The following CLSTN2 variants were observed in gnomAD, a reference collection of about 807,000 sequenced individuals.
The protein encoded by CLSTN2 is calsyntenin 2, also known as calsyntenin-2.
In CLSTN2, 48 loss-of-function variants were observed where a neutral mutation model predicts 101.2. That is an observed-to-expected ratio of 0.47 (90% confidence interval 0.38 to 0.60). CLSTN2 has a LOEUF of 0.60. Among genes scored for constraint, CLSTN2 ranks in the 20% least tolerant of loss-of-function variants. The pLI is 0.00. For missense variants in CLSTN2, 1,160 were observed against 1,238.2 expected (o/e 0.94, Z 0.95); for synonymous variants, 481 against 463.6 (o/e 1.04, Z -0.48).
chr3:140,079,272 GA>G (rs1454352618), intron 1 of CLSTN2, among the ~76,000 whole-genome samples: 2 of 152,160 alleles, frequency 1.3e-5, no homozygotes, highest in African/African-American at 4.8e-5. Flanking sequence ...TGAAGGCCAA[GA>G]AAGAGTTGTA....
At position 140,176,014 on chromosome 3, in the gene CLSTN2, C is replaced by A. The variant is rs767751508; in HGVS notation, c.173C>A (p.Thr58Lys). 9.3e-6 allele frequency: 15 copies of A among 1,612,778 alleles called. No homozygotes were observed. Among genetic ancestry groups the A allele is most frequent in the Admixed American group, 1.7e-5 (1 of 59,986 alleles). Residue 58 changes from threonine (T) to lysine (K), a missense_variant, in exon 2 of 17, where the codon ACA becomes AAA. Transcript: ENST00000458420. ...GGAGTCATAACTGAGAACAATGACA[C>A]AGTCATTTTGGACCCACCACTGGTA... ...YHGVITENND[T>K]VILDPPLVAL...
At chr3:140,095,400 G>A (rs2008853554) in intron 1 of CLSTN2, among the ~76,000 whole-genome samples, 1 of 152,092 alleles carries the variant, frequency 6.6e-6, no homozygotes, top group Admixed American at 6.5e-5. Context: ...ATGCCCTCAG[G>A]CCAAATATCC....
chr3:139,993,050 T>C (rs1433902234), intron 1 of CLSTN2, among the ~76,000 whole-genome samples: 8 of 152,176 alleles, frequency 5.3e-5, no homozygotes, highest in Non-Finnish European at 8.8e-5. Flanking sequence ...AGAGGGCTGA[T>C]TGGTCAATGC....
At chr3:140,080,866 G>A (rs2008583627) in intron 1 of CLSTN2, among the ~76,000 whole-genome samples, 1 of 152,176 alleles carries the variant, frequency 6.6e-6, no homozygotes, top group Admixed American at 6.5e-5. Context: ...ACACGGATAA[G>A]TACAAGGCTA....
At chr3:140,287,426 A>G (rs1378329655) in intron 2 of CLSTN2, among the ~76,000 whole-genome samples, 2 of 152,158 alleles carry the variant, frequency 1.3e-5, no homozygotes, top group African/African-American at 4.8e-5. Flanking sequence ...TTTGGGGGAA[A>G]GAAGAATTCT....
chr3:140,557,404 T>C (rs1935820919), intron 11 of CLSTN2, among the ~76,000 whole-genome samples: 1 of 152,192 alleles, frequency 6.6e-6, no homozygotes. Flanking sequence ...TTACATTCAA[T>C]AGTTCTAGAA....
At chr3:140,219,877 C>A (rs1392668467) in intron 2 of CLSTN2, among the ~76,000 whole-genome samples, 2 of 152,178 alleles carry the variant, frequency 1.3e-5, no homozygotes, top group East Asian at 3.9e-4. Flanking sequence ...GTAAGAGAGG[C>A]CTTACTGAGT....
intron 1 of CLSTN2, among the ~76,000 whole-genome samples, chr3:139,982,865 C>A (rs1031381590): frequency 3.3e-5 from 5 of 151,904 alleles, no homozygotes; most frequent in Admixed American, 3.3e-4. Context: ...TTAGTTCAGA[C>A]TATATATAGA....
chr3:140,410,267 A>G (rs2088348403), intron 4 of CLSTN2, among the ~76,000 whole-genome samples: 3 of 152,106 alleles, frequency 2.0e-5, no homozygotes, highest in African/African-American at 7.2e-5. Context: ...TCAGTAAATC[A>G]AAGACACAGC....
intron 2 of CLSTN2, among the ~76,000 whole-genome samples, chr3:140,317,901 A>G (rs1007574297): frequency 3.9e-5 from 6 of 152,162 alleles, no homozygotes; most frequent in African/African-American, 7.2e-5. Context: ...TGCTCGCTAT[A>G]TGAAGGTCAG....
intron 10 of CLSTN2, among the ~76,000 whole-genome samples, chr3:140,553,937 G>C (rs1248698839): frequency 2.6e-5 from 4 of 152,180 alleles, no homozygotes; most frequent in African/African-American, 9.7e-5. Flanking sequence ...AGTCCTTTTG[G>C]GGAGTGACAG....
At chr3:140,540,624 C>A (rs1188716582) in intron 9 of CLSTN2, among the ~76,000 whole-genome samples, 1 of 152,090 alleles carries the variant, frequency 6.6e-6, no homozygotes, top group Non-Finnish European at 1.5e-5. Flanking sequence ...AGAGCAGCAT[C>A]CAACCCCAGC....
intron 2 of CLSTN2, among the ~76,000 whole-genome samples, chr3:140,226,491 C>A (rs1187393872): frequency 1.3e-5 from 2 of 151,998 alleles, no homozygotes; most frequent in African/African-American, 4.8e-5. Context: ...GGATCGACAG[C>A]TAGATAGATG....
intron 8 of CLSTN2, among the ~76,000 whole-genome samples, chr3:140,525,801 A>G (rs188440665): frequency 1.3e-5 from 2 of 152,330 alleles, no homozygotes; most frequent in Non-Finnish European, 2.9e-5. Context: ...GTGATTCACC[A>G]TGTGAACAGA....
At chr3:140,415,827 G>T (rs2088426398) in intron 4 of CLSTN2, among the ~76,000 whole-genome samples, 1 of 152,098 alleles carries the variant, frequency 6.6e-6, no homozygotes, top group South Asian at 2.1e-4. Flanking sequence ...ACTACCATAG[G>T]TTCAGCAATT....
intron 1 of CLSTN2, among the ~76,000 whole-genome samples, chr3:139,943,559 ATGGTGCCT>A (rs1407699881): frequency 6.6e-6 from 1 of 152,204 alleles, no homozygotes; most frequent in African/African-American, 2.4e-5. Flanking sequence ...TCCAAACAGC[ATGGTGCCT>A]TGAGATCCTG....
chr3:140,477,580 C>A (rs1353338966), intron 8 of CLSTN2, among the ~76,000 whole-genome samples: 1 of 152,166 alleles, frequency 6.6e-6, no homozygotes, highest in Non-Finnish European at 1.5e-5. Flanking sequence ...TACACAGTTA[C>A]TTTTGAGGTT....
intron 1 of CLSTN2, among the ~76,000 whole-genome samples, chr3:139,984,947 C>A (rs150698081): frequency 2.9e-3 from 436 of 152,284 alleles, no homozygotes; most frequent in African/African-American, 0.01. Flanking sequence ...GCTGCTCCAG[C>A]CAAAAATGTT....
At chr3:139,944,575 C>T (rs1935186675) in intron 1 of CLSTN2, among the ~76,000 whole-genome samples, 1 of 152,214 alleles carries the variant, frequency 6.6e-6, no homozygotes, top group African/African-American at 2.4e-5. Context: ...CACCTGTCTC[C>T]CAGGGTGGCT....
Sources: gnomAD v4.1 joint callset for allele counts (sites outside exome capture counted in the v4.1 genomes callset) on GRCh38, gnomAD v4.1.1 for gene constraint, MANE v1.5 for transcripts, NCBI Gene and HGNC (gene_info 2026-07-23, HGNC 2026-07-21) for gene names.